The following SLC4A11 variants were observed in gnomAD, a reference collection of about 807,000 sequenced individuals.
The protein encoded by SLC4A11 is bicarbonate transporter related protein 1.
In SLC4A11, 74 loss-of-function variants were observed where a neutral mutation model predicts 95.0. The ratio of observed to expected loss-of-function variants is 0.78; its 90% CI spans 0.65 to 0.95. SLC4A11 has a LOEUF of 0.95. Ranked by LOEUF, SLC4A11 falls within the 40% of genes least tolerant of loss-of-function variation. SLC4A11 has a pLI of 0.00. For synonymous variants in SLC4A11, 548 were observed against 519.0 expected (o/e 1.06, Z -0.76); for missense variants, 1,081 against 1,192.4 (o/e 0.91, Z 1.38).
At position 3,234,180 on chromosome 20, in the gene SLC4A11, G is replaced by A. The variant is rs35262978; in HGVS notation, c.426C>T (p.Arg142=). ...LDNVLRTMLR[R]FARDPDNNEP... ...CATTGTTGTCAGGGTCCCTGGCGAA[G>A]CGGCGAAGCATGGTCCGCAGCACGT... The change falls in exon 5 of 20, where the codon CGC becomes CGT. Residue 142 remains arginine (R), a synonymous_variant. Coordinates refer to ENST00000642402, the MANE Select transcript of SLC4A11 (RefSeq NM_001174089.2). This position sits in a 1 kb window ranked among gnomAD's most constrained non-coding sequence, Gnocchi z 5.8. 8.0e-4 allele frequency: 1,295 copies of A among 1,613,972 alleles called. 13 individuals are homozygous for A. In the African/African-American group the frequency reaches 0.015, roughly 19 times the overall value.
At chr20:3,237,754 G>A (rs1385626856) in intron 1 of SLC4A11, 166 bp from the exon 2 acceptor site, 1 of 1,613,088 alleles carries the variant, frequency 6.2e-7, no homozygotes, top group Non-Finnish European at 8.5e-7. Context: ...GCTCGGGAGG[G>A]GGCCCCATAG....
intron 1 of SLC4A11, chr20:3,238,867 G>C: frequency 8.2e-7 from 1 of 1,223,938 alleles, no homozygotes; most frequent in Non-Finnish European, 1.0e-6. Flanking sequence ...TCAAGACGGC[G>C]ACAGCAGAGC....
In SLC4A11 at chr20:3,239,077, C is replaced by G. The variant is rs1381270144; in HGVS notation, c.43+18G>C. ...CCCGGGCGGCCTTCCCGCCGCGCCC[C>G]CGGGTTCAGGCACCCACCGCACGGC... On this transcript the variant is annotated intron_variant, in intron 1 of 19. Coordinates refer to ENST00000642402, the MANE Select transcript of SLC4A11 (RefSeq NM_001174089.2). 6 of 1,473,122 alleles carry G rather than the reference C, an allele frequency of 4.1e-6. No homozygotes were observed. Among genetic ancestry groups the G allele is most frequent in the Non-Finnish European group, 5.4e-6 (6 of 1,116,494 alleles). 91.3% of individuals were successfully genotyped at this position (1,473,122 alleles called of 1,614,324 possible). A position where few individuals can be genotyped will look rare whatever the true frequency, so the allele number is the denominator to read the frequency against.
chr20:3,239,207 G>T (rs901060814), upstream of SLC4A11: 8 of 1,340,604 alleles, frequency 6.0e-6, no homozygotes, highest in Admixed American at 1.9e-4. Flanking sequence ...CAAACTCGGC[G>T]ACTCGGGCGG....
intron 19 of SLC4A11, 39 bp from the exon 20 acceptor site, chr20:3,227,895 G>A (rs2067583276): frequency 6.3e-7 from 1 of 1,599,204 alleles, no homozygotes; most frequent in African/African-American, 1.3e-5. Flanking sequence ...GCCTGGGTCA[G>A]AGAGAAGGCA....
chr20:3,238,631 G>A, intron 1 of SLC4A11: 1 of 993,390 alleles, frequency 1.0e-6, no homozygotes, highest in East Asian at 1.1e-4. Flanking sequence ...GCACGGTCAG[G>A]GGTCCCGGGA....
intron 14 of SLC4A11, 23 bp downstream of exon 14, chr20:3,229,501 C>G (rs1430515799): frequency 1.2e-6 from 2 of 1,612,722 alleles, no homozygotes; most frequent in Non-Finnish European, 1.7e-6. Context: ...TGCGGCCCCT[C>G]CCCTCCCCAT....
At position 3,231,587 on chromosome 20, in the gene SLC4A11, G is replaced by T. The variant is rs766319450; in HGVS notation, c.730-39C>A. On this transcript the variant is annotated intron_variant, in intron 7 of 19. Transcript: ENST00000642402. The surrounding 1 kb of genome is among the most constrained non-coding windows in gnomAD (Gnocchi z 5.2). ...ATGGGAGTCACCCCTAGAAACAGAG[G>T]AGGCCCTGCCCGGGCCGAGCAGGTG... The T allele has an allele frequency of 4.4e-6, 7 of 1,593,036 alleles. No individual in the cohort carries two copies. The highest frequency in any genetic ancestry group is 6.0e-6 in the Non-Finnish European group (7 of 1,167,866).
In SLC4A11 at chr20:3,228,321, C is replaced by T. The variant is rs34224785; in HGVS notation, c.2496G>A (p.Met832Ile). ...TCATCTTCATGTAGGGCAGGGAGCT[C>T]ATGCCGAAGGCACACAGCAGCAGCA... ...LQLLLLCAFG[M>I]SSLPYMKMIF... Residue 832 changes from methionine (M) to isoleucine (I), a missense_variant, in exon 19 of 20, where the codon ATG becomes ATA. Around this residue, in one of 3 missense-constraint regions of SLC4A11, gnomAD observed 767 missense variants for 858.0 expected, o/e 0.89. Transcript: ENST00000642402. The T allele has an allele frequency of 2.0e-3, 3,177 of 1,613,180 alleles. 46 individuals carry two copies. In the African/African-American group the frequency reaches 0.027, roughly 14 times the overall value.
At chr20:3,233,794 T>C in intron 6 of SLC4A11, 127 bp downstream of exon 6, 1 of 1,515,254 alleles carries the variant, frequency 6.6e-7, no homozygotes, top group Non-Finnish European at 9.1e-7. Context: ...AGCCCTCTTC[T>C]CCCAAGTTGG....
At position 3,234,415 on chromosome 20, in the gene SLC4A11, C is replaced by CCCCCAGT. The variant is rs1344662808; in HGVS notation, c.292-102_292-101insACTGGGG. ...CCAGCCGCAGCAGTCCAGCCCCCAG[C>CCCCCAGT]CCCCAGCCCCCAGCCCTGGGCTGGT... is the stretch of plus-strand genomic sequence containing the variant. On this transcript the variant is annotated intron_variant, in intron 4 of 19. Transcript: ENST00000642402. This position sits in a 1 kb window ranked among gnomAD's most constrained non-coding sequence, Gnocchi z 5.8. 24 of 1,478,022 alleles carry CCCCCAGT rather than the reference C, an allele frequency of 1.6e-5. No homozygotes were observed. Among genetic ancestry groups the CCCCCAGT allele is most frequent in the Non-Finnish European group, 2.2e-5 (24 of 1,067,434 alleles). The allele number at this position is 1,478,022 out of a possible 1,614,324, so 91.6% of individuals were successfully genotyped here.
intron 2 of SLC4A11, among the ~76,000 whole-genome samples, chr20:3,236,579 A>T (rs1442165331): frequency 7.7e-6 from 1 of 129,350 alleles, no homozygotes; most frequent in Non-Finnish European, 1.6e-5. Flanking sequence ...ACAGAGCGAG[A>T]CTCAAAACAA....
At chr20:3,236,589 A>G (rs2067989324) in intron 2 of SLC4A11, among the ~76,000 whole-genome samples, 1 of 93,216 alleles carries the variant, frequency 1.1e-5, no homozygotes, top group African/African-American at 4.6e-5. Context: ...ACTCAAAACA[A>G]AACAAAACAA....
intron 1 of SLC4A11, chr20:3,238,852 G>T: frequency 8.2e-7 from 1 of 1,216,068 alleles, no homozygotes; most frequent in Non-Finnish European, 1.0e-6. Context: ...AACCTGGTAA[G>T]AAATTCAAGA....
At position 3,228,714 on chromosome 20, in the gene SLC4A11, TG is replaced by T; in HGVS notation, c.2193-8del. 6.2e-7 allele frequency: 1 copy of T among 1,612,504 alleles called. No homozygotes were observed. Among genetic ancestry groups the T allele is most frequent in the South Asian group, 1.1e-5 (1 of 91,058 alleles). ...CTCCTTCACGTTCACAATCCTGCGGTGGCCCGAGCCGCGAGTGTCACCTCTG... is the reference window on the plus strand; with the variant it reads ...CTCCTTCACGTTCACAATCCTGCGGTGCCCGAGCCGCGAGTGTCACCTCTG... On this transcript the variant is annotated splice_polypyrimidine_tract_variant and splice_region_variant and intron_variant, in intron 17 of 19. Coordinates refer to ENST00000642402, the MANE Select transcript of SLC4A11 (RefSeq NM_001174089.2).
chr20:3,237,554 G>C lies in SLC4A11; in HGVS notation c.78C>G (p.Phe26Leu). 1.2e-6 allele frequency: 2 copies of C among 1,614,014 alleles called. No homozygotes were observed. The highest frequency in any genetic ancestry group is 8.5e-7 in the Non-Finnish European group (1 of 1,179,978). ...CCGAGAGGTACTCACTTGAATCCTC[G>C]AAGTATCCATTCTGCGACATGGTGG... ...NSPTMSQNGY[F>L]EDSSYYKCDT... The change falls in exon 2 of 20, where the codon TTC becomes TTG. Residue 26 changes from phenylalanine (F) to leucine (L), a missense_variant. Phe to Leu is a conservative substitution (Grantham distance 22, BLOSUM62 0). Around this residue, in one of 3 missense-constraint regions of SLC4A11, gnomAD observed 310 missense variants for 313.5 expected, o/e 0.99. Transcript: ENST00000642402.
At chr20:3,236,670 G>A (rs1396590378) in intron 2 of SLC4A11, among the ~76,000 whole-genome samples, 1 of 152,274 alleles carries the variant, frequency 6.6e-6, no homozygotes, top group African/African-American at 2.4e-5. Context: ...TCCTCCCCGG[G>A]TCAGGCTTGC....
chr20:3,235,309 T>TCACACACACACACACACACACACACACA (rs58744452), intron 2 of SLC4A11, among the ~76,000 whole-genome samples: 1 of 123,540 alleles, frequency 8.1e-6, no homozygotes, highest in African/African-American at 3.2e-5. Context: ...TCTCTCTCTC[T>TCACACACACACACACACACACACACACA]CACACACACA....
At position 3,231,430 on chromosome 20, in the gene SLC4A11, A is replaced by C; in HGVS notation, c.848T>G (p.Val283Gly). The C allele has an allele frequency of 6.2e-7, 1 of 1,614,006 alleles. No homozygotes were observed. The highest frequency in any genetic ancestry group is 8.5e-7 in the Non-Finnish European group (1 of 1,180,022). ...RTEEEFKEAL[V>G]HQRQLLTMVS... Reference sequence around the variant, plus strand: ...CATGGTGAGCAGCTGTCTCTGATGCACCAAGGCCTCCTTGAATTCCTCCTC... The same window carrying C: ...CATGGTGAGCAGCTGTCTCTGATGCCCCAAGGCCTCCTTGAATTCCTCCTC... Residue 283 changes from valine (V) to glycine (G), a missense_variant, in exon 8 of 20, where the codon GTG becomes GGG. By Grantham distance (109) the Val-to-Gly change is moderately radical. Coordinates refer to ENST00000642402, the MANE Select transcript of SLC4A11 (RefSeq NM_001174089.2). The surrounding 1 kb of genome is among the most constrained non-coding windows in gnomAD (Gnocchi z 5.2).
Sources: gnomAD v4.1 joint callset for allele counts (sites outside exome capture counted in the v4.1 genomes callset) on GRCh38, gnomAD v4.1.1 for gene constraint, gnomAD v4.1.1 regional missense constraint, Gnocchi (gnomAD v3.1) non-coding constraint, MANE v1.5 for transcripts, NCBI Gene and HGNC (gene_info 2026-07-23, HGNC 2026-07-21) for gene names.